Variants in PRDM11 observed in about 807,000 individuals in gnomAD.
PRDM11 encodes the protein PR domain-containing protein 11.
In PRDM11, 20 loss-of-function variants were observed where a neutral mutation model predicts 97.8. That is an observed-to-expected ratio of 0.20 (90% CI 0.14 to 0.30). The LOEUF (loss-of-function observed/expected upper bound fraction) is 0.30, where lower values mean the gene tolerates loss of function less well. Among genes scored for constraint, PRDM11 ranks in the 10% least tolerant of loss-of-function variants. The pLI is 1.00. For missense variants in PRDM11, 1,139 were observed against 1,555.2 expected (o/e 0.73, Z 4.50); for synonymous variants, 599 against 637.7 (o/e 0.94, Z 0.91).
At chr11:45,175,604 A>G (rs543481297) in intron 1 of PRDM11, among the ~76,000 whole-genome samples, 81 of 152,316 alleles carry the variant, frequency 5.3e-4, no homozygotes, top group African/African-American at 1.7e-3. Context: ...TGCTTTTAAA[A>G]ATAATATTGC....
At chr11:45,150,924 A>C (rs1407942831) in intron 1 of PRDM11, among the ~76,000 whole-genome samples, 1 of 152,196 alleles carries the variant, frequency 6.6e-6, no homozygotes, top group Non-Finnish European at 1.5e-5. Context: ...ACAGATTGAG[A>C]GACTATGGCT....
At chr11:45,110,938 C>A (rs76618175) in intron 1 of PRDM11, among the ~76,000 whole-genome samples, 1 of 151,984 alleles carries the variant, frequency 6.6e-6, no homozygotes, top group Non-Finnish European at 1.5e-5. Flanking sequence ...CCCCCTTACC[C>A]CCCTTTTTTT....
chr11:45,140,347 G>T (rs965584602), intron 1 of PRDM11, among the ~76,000 whole-genome samples: 4 of 152,168 alleles, frequency 2.6e-5, no homozygotes, highest in Non-Finnish European at 5.9e-5. Context: ...AGTCCCCCAG[G>T]AGTCAAATAA....
At chr11:45,208,484 A>AT (rs1853595035) in intron 5 of PRDM11, among the ~76,000 whole-genome samples, 1 of 152,178 alleles carries the variant, frequency 6.6e-6, no homozygotes, top group African/African-American at 2.4e-5. Context: ...TCTTTAAGAG[A>AT]TTTTAAGCCC....
chr11:45,153,665 G>C (rs533259651), intron 1 of PRDM11, among the ~76,000 whole-genome samples: 15 of 152,342 alleles, frequency 9.8e-5, no homozygotes, highest in African/African-American at 2.9e-4. Context: ...GTGCCCCACT[G>C]TCTTGTGTTC....
Position 45,180,362 on chromosome 11 carries a change from C to T in PRDM11, c.-6-1399C>T, listed in dbSNP as rs1228097019. Reference sequence around the variant, plus strand: ...TGTCCGGTGTCCGCACGGGTGGCAGCGCAGGCCCTGTCGTCGCCGCCACAC... The same window carrying T: ...TGTCCGGTGTCCGCACGGGTGGCAGTGCAGGCCCTGTCGTCGCCGCCACAC... On this transcript the variant is annotated intron_variant, in intron 1 of 7. Coordinates refer to ENST00000683152, the MANE Select transcript of PRDM11 (RefSeq NM_001384648.1). 5.9e-5 allele frequency among the ~76,000 whole-genome samples: 9 copies of T among 152,248 alleles called. No homozygotes were observed. In the East Asian group the frequency reaches 1.6e-3, roughly 26 times the overall value.
chr11:45,141,799 C>T (rs1276694640), upstream of PRDM11, among the ~76,000 whole-genome samples: 1 of 152,182 alleles, frequency 6.6e-6, no homozygotes, highest in East Asian at 1.9e-4. Context: ...TCTATTATCT[C>T]TAGCTCCCAA....
chr11:45,167,762 CACA>C (rs1297210850), intron 1 of PRDM11, among the ~76,000 whole-genome samples: 1 of 5,038 alleles, frequency 2.0e-4, no homozygotes, highest in Non-Finnish European at 1.1e-3. Context: ...TTTCACACCA[CACA>C]CACACACACA....
intron 4 of PRDM11, among the ~76,000 whole-genome samples, chr11:45,189,422 A>G (rs150609099): frequency 1.0e-3 from 152 of 152,328 alleles, no homozygotes; most frequent in Non-Finnish European, 1.8e-3. Flanking sequence ...TTAGCTATAC[A>G]GGCTCCAAAT....
chr11:45,226,975 C>A lies in PRDM11; in HGVS notation c.2350C>A (p.Leu784Met). 6.5e-7 allele frequency: 1 copy of A among 1,533,940 alleles called. No individual in the cohort carries two copies. Among genetic ancestry groups the A allele is most frequent in the Non-Finnish European group, 8.7e-7 (1 of 1,146,722 alleles). The part of the protein sequence containing the change: ...SGKELPCLEE[L>M]ENNLKQLLSF... ...GAAGGAGCTCCCATGCCTGGAGGAG[C>A]TGGAGAACAACCTGAAGCAGCTGCT... is the stretch of plus-strand genomic sequence containing the variant. The change falls in exon 8 of 8, where the codon CTG becomes ATG. Residue 784 changes from leucine to methionine, a missense_variant. Around this residue, in one of 2 missense-constraint regions of PRDM11, gnomAD observed 710 missense variants for 1,044.9 expected, o/e 0.68. Transcript: ENST00000683152.
intron 1 of PRDM11, among the ~76,000 whole-genome samples, chr11:45,137,055 C>T (rs985957612): frequency 6.6e-6 from 1 of 151,528 alleles, no homozygotes. Flanking sequence ...TCCAGCCACT[C>T]GGGAGGCTGA....
intron 5 of PRDM11, among the ~76,000 whole-genome samples, chr11:45,205,071 A>T (rs1853460387): frequency 6.6e-6 from 1 of 151,780 alleles, no homozygotes. Flanking sequence ...ATTCCTAGGG[A>T]GGAGGAGGAG....
At chr11:45,191,232 C>A (rs762446299) in intron 4 of PRDM11, among the ~76,000 whole-genome samples, 4 of 152,098 alleles carry the variant, frequency 2.6e-5, no homozygotes, top group Non-Finnish European at 5.9e-5. Flanking sequence ...TGGTGGATTC[C>A]GATTACAGCT....
chr11:45,149,795 G>T (rs2135681651), intron 1 of PRDM11, among the ~76,000 whole-genome samples: 1 of 152,376 alleles, frequency 6.6e-6, no homozygotes, highest in East Asian at 1.9e-4. Context: ...TGCAACATGA[G>T]TGAAAACTAA....
intron 5 of PRDM11, chr11:45,209,186 C>T (rs1393067592): frequency 8.9e-6 from 4 of 451,310 alleles, no homozygotes; most frequent in South Asian, 6.2e-5. Context: ...CCCCCACCAT[C>T]GTGCTCACGG....
chr11:45,196,785 G>C (rs1318058660), intron 4 of PRDM11, among the ~76,000 whole-genome samples: 2 of 152,244 alleles, frequency 1.3e-5, no homozygotes, highest in Non-Finnish European at 2.9e-5. Flanking sequence ...AGAAGGACTT[G>C]TGAAGGGAAG....
Position 45,224,242 on chromosome 11 carries a change from G to A in PRDM11, c.768G>A (p.Lys256=). 6.2e-7 allele frequency: 1 copy of A among 1,604,132 alleles called. No individual in the cohort carries two copies. Among genetic ancestry groups the A allele is most frequent in the Non-Finnish European group, 8.5e-7 (1 of 1,176,144 alleles). ...ARGEKRLQRE[K]SEQVLDNPED... is the part of the protein sequence containing the mutation. ...GAGAGAAGAGGTTGCAGAGGGAGAA[G>A]TCTGAGCAGGTTCTGGATAACCCAG... Residue 256 remains lysine (K), a synonymous_variant, in exon 7 of 8, where the codon AAG becomes AAA. Coordinates refer to ENST00000683152, the MANE Select transcript of PRDM11 (RefSeq NM_001384648.1).
chr11:45,123,818 G>A (rs926699666), intron 1 of PRDM11, among the ~76,000 whole-genome samples: 4 of 151,968 alleles, frequency 2.6e-5, no homozygotes, highest in African/African-American at 9.7e-5. Flanking sequence ...GGATTGACTT[G>A]GCGATGCAGG....
At position 45,230,411 on chromosome 11, in the gene PRDM11, C is replaced by T. The variant is rs1854377351; in HGVS notation, c.*2252C>T. ...AGCCTCCTTCTGAGGCTTTGAGATTCCCAGCCCCATTCCACTTCCCCACTT... is the reference window on the plus strand; with the variant it reads ...AGCCTCCTTCTGAGGCTTTGAGATTTCCAGCCCCATTCCACTTCCCCACTT... On this transcript the variant is annotated 3_prime_UTR_variant, in exon 8 of 8. Transcript: ENST00000683152. 1.3e-5 allele frequency: 2 copies of T among 152,176 alleles called. 1 individual carries two copies. Among genetic ancestry groups the T allele is most frequent in the South Asian group, 4.1e-4 (2 of 4,822 alleles). The allele number at this position is 152,176 out of a possible 1,614,324, so 9.4% of individuals were successfully genotyped here.
Sources: allele counts gnomAD v4.1 joint callset (sites outside exome capture counted in the v4.1 genomes callset), GRCh38; gene constraint gnomAD v4.1.1; regional missense constraint gnomAD v4.1.1; transcripts MANE v1.5; gene names NCBI Gene and HGNC (gene_info 2026-07-23, HGNC 2026-07-21).